PKIA: variants seen among roughly 807,000 people sequenced by gnomAD.
The protein encoded by PKIA is PKI-alpha.
In PKIA, 4 loss-of-function variants were observed where a neutral mutation model predicts 7.6. That is an observed-to-expected ratio of 0.52 (90% CI 0.26 to 1.20). The LOEUF is 1.20. Ranked by LOEUF, PKIA falls within the 50% of genes most tolerant of loss-of-function variation. PKIA has a pLI of 0.13. For missense variants in PKIA, 73 were observed against 86.2 expected (o/e 0.85, Z 0.61); for synonymous variants, 21 against 30.7 (o/e 0.68, Z 1.04).
chr8:78,572,138 G>C (rs1421297886), intron 1 of PKIA, among the ~76,000 whole-genome samples: 1 of 151,892 alleles, frequency 6.6e-6, no homozygotes, highest in South Asian at 2.1e-4. Context: ...TGCATAATTT[G>C]CTTCACTTTA....
intron 1 of PKIA, among the ~76,000 whole-genome samples, chr8:78,572,114 T>C (rs1253016613): frequency 6.6e-6 from 1 of 152,102 alleles, no homozygotes; most frequent in African/African-American, 2.4e-5. Flanking sequence ...AGAATCACAG[T>C]GTTGGAACCT....
chr8:78,531,487 AAC>A (rs755207954), intron 1 of PKIA, among the ~76,000 whole-genome samples: 2 of 152,132 alleles, frequency 1.3e-5, no homozygotes, highest in Non-Finnish European at 2.9e-5. Flanking sequence ...AAAATAATAT[AAC>A]AGTTATTGTG....
In PKIA at chr8:78,516,346, G is replaced by C. The variant is rs918073402; in HGVS notation, c.-279G>C. The C allele has an allele frequency of 6.6e-6, 1 of 152,242 alleles. No homozygotes were observed. The highest frequency in any genetic ancestry group is 6.5e-5 in the Admixed American group (1 of 15,276). 9.4% of individuals were successfully genotyped at this position (152,242 alleles called of 1,614,324 possible). ...GCAGCCGGAGCTCCGCGGCGGGAGC[G>C]GAGGCTGCTGCTGGCAGGTGGGGCG... On this transcript the variant is annotated 5_prime_UTR_variant, in exon 1 of 4. Transcript: ENST00000396418.
At chr8:78,551,543 C>T (rs907961062) in intron 1 of PKIA, among the ~76,000 whole-genome samples, 2 of 151,886 alleles carry the variant, frequency 1.3e-5, no homozygotes, top group African/African-American at 4.8e-5. Context: ...AGAAACAGAA[C>T]TTTTAACTTT....
At chr8:78,600,845 G>A (rs1051654786) in intron 3 of PKIA, among the ~76,000 whole-genome samples, 1 of 151,992 alleles carries the variant, frequency 6.6e-6, no homozygotes, top group Non-Finnish European at 1.5e-5. Flanking sequence ...ATAACATTAT[G>A]GTCCAAAGAA....
At position 78,603,009 on chromosome 8, in the gene PKIA, T is replaced by C. The variant is rs912015887; in HGVS notation, c.*1188T>C. The C allele has an allele frequency of 1.1e-4, 17 of 152,380 alleles. No homozygotes were observed. Among genetic ancestry groups the C allele is most frequent in the Non-Finnish European group, 1.9e-4 (13 of 67,932 alleles). The allele number at this position is 152,380 out of a possible 1,614,324, so 9.4% of individuals were successfully genotyped here. On this transcript the variant is annotated 3_prime_UTR_variant, in exon 4 of 4. Transcript: ENST00000396418. ...ATGCACTTTTTAATGTTTGTAAACT[T>C]TTACTAATAATTAGTGTGAATTGCA...
intron 1 of PKIA, among the ~76,000 whole-genome samples, chr8:78,533,094 A>G (rs1271859312): frequency 6.6e-6 from 1 of 151,976 alleles, no homozygotes; most frequent in African/African-American, 2.4e-5. Context: ...CAATGGACTC[A>G]TTTCTGTCTT....
chr8:78,557,864 T>A (rs572457892), intron 1 of PKIA, among the ~76,000 whole-genome samples: 1 of 7,044 alleles, frequency 1.4e-4, no homozygotes, highest in South Asian at 0.016. Flanking sequence ...GATGGTAGTC[T>A]GTGTTTCCCT....
chr8:78,546,510 T>C (rs1806828651), intron 1 of PKIA, among the ~76,000 whole-genome samples: 1 of 152,184 alleles, frequency 6.6e-6, no homozygotes, highest in Non-Finnish European at 1.5e-5. Flanking sequence ...AACTTTTGAC[T>C]CTAGCATTCA....
At position 78,516,941 on chromosome 8, in the gene PKIA, A is replaced by G. The variant is rs78459991; in HGVS notation, c.-157+473A>G. 5.6e-3 allele frequency among the ~76,000 whole-genome samples: 846 copies of G among 152,202 alleles called. 6 individuals are homozygous for G. Among genetic ancestry groups the G allele is most frequent in the African/African-American group, 0.019 (793 of 41,522 alleles). On this transcript the variant is annotated intron_variant, in intron 1 of 3. Coordinates refer to ENST00000396418, the MANE Select transcript of PKIA (RefSeq NM_006823.4). The stretch of plus-strand genomic sequence containing the variant: ...TCTGTGCCCCTCTCAATGGCAAAAC[A>G]CCTGCTTCAAGACTGAACCTTTAGA...
At chr8:78,551,781 T>TA (rs370404838) in intron 1 of PKIA, among the ~76,000 whole-genome samples, 2 of 151,982 alleles carry the variant, frequency 1.3e-5, no homozygotes, top group Admixed American at 6.6e-5. Flanking sequence ...AGATGGAAGT[T>TA]AGTGGGGCTC....
intron 1 of PKIA, among the ~76,000 whole-genome samples, chr8:78,529,884 G>A (rs987013955): frequency 4.5e-5 from 5 of 110,560 alleles, no homozygotes; most frequent in Admixed American, 1.6e-4. Context: ...GAGTCAGTGA[G>A]ATCACGTTAT....
chr8:78,603,710 T>A lies in PKIA; in HGVS notation c.*1889T>A, dbSNP rs1319193127. 2 of 151,934 alleles carry A rather than the reference T, an allele frequency of 1.3e-5. No homozygotes were observed. Among genetic ancestry groups the A allele is most frequent in the Non-Finnish European group, 2.9e-5 (2 of 67,916 alleles). 9.4% of individuals were successfully genotyped at this position (151,934 alleles called of 1,614,324 possible). On this transcript the variant is annotated 3_prime_UTR_variant, in exon 4 of 4. Coordinates refer to ENST00000396418, the MANE Select transcript of PKIA (RefSeq NM_006823.4). ...TGTTTAAACCATCAAACCCCTACAGTCAGTTTTCAGTATCCTCATTTAATA... is the reference window on the plus strand; with the variant it reads ...TGTTTAAACCATCAAACCCCTACAGACAGTTTTCAGTATCCTCATTTAATA...
rs73244988 is a variant in PKIA, at chr8:78,603,029, A to C, written c.*1208A>C. ...AAACTTTTACTAATAATTAGTGTGAATTGCATTCTGATACAATAATGATTA... is the reference window on the plus strand; with the variant it reads ...AAACTTTTACTAATAATTAGTGTGACTTGCATTCTGATACAATAATGATTA... On this transcript the variant is annotated 3_prime_UTR_variant, in exon 4 of 4. Transcript: ENST00000396418. 12,377 of 152,328 alleles carry C rather than the reference A, an allele frequency of 0.081. 545 individuals are homozygous for C. Among genetic ancestry groups the C allele is most frequent in the Middle Eastern group, 0.095 (28 of 294 alleles). 9.4% of individuals were successfully genotyped at this position (152,328 alleles called of 1,614,324 possible). A position where few individuals can be genotyped will look rare whatever the true frequency, so the allele number is the denominator to read the frequency against.
At chr8:78,578,621 C>T (rs989526335) in intron 2 of PKIA, among the ~76,000 whole-genome samples, 3 of 151,970 alleles carry the variant, frequency 2.0e-5, no homozygotes, top group African/African-American at 7.2e-5. Flanking sequence ...AAAATAAGCT[C>T]TCATAATTTC....
At chr8:78,580,382 C>G (rs528979580) in intron 2 of PKIA, among the ~76,000 whole-genome samples, 2 of 152,168 alleles carry the variant, frequency 1.3e-5, no homozygotes, top group African/African-American at 4.8e-5. Flanking sequence ...TTACCACTTT[C>G]CTTTCCTCAT....
intron 1 of PKIA, chr8:78,534,541 T>C (rs889257541): frequency 6.6e-6 from 1 of 152,114 alleles, no homozygotes; most frequent in African/African-American, 2.4e-5. Flanking sequence ...TCATGCACCA[T>C]ACATTCAAGA....
chr8:78,569,509 C>A (rs1419257355), intron 1 of PKIA, among the ~76,000 whole-genome samples: 1 of 152,098 alleles, frequency 6.6e-6, no homozygotes, highest in African/African-American at 2.4e-5. Context: ...TCTTGCTACA[C>A]CCCAATATAG....
chr8:78,594,532 A>G (rs1427894621), intron 2 of PKIA, among the ~76,000 whole-genome samples: 1 of 152,106 alleles, frequency 6.6e-6, no homozygotes, highest in African/African-American at 2.4e-5. Flanking sequence ...ACGTGGAGAA[A>G]CTCAGGGAAT....
Sources: allele counts gnomAD v4.1 joint callset (sites outside exome capture counted in the v4.1 genomes callset), GRCh38; gene constraint gnomAD v4.1.1; transcripts MANE v1.5; gene names NCBI Gene and HGNC (gene_info 2026-07-23, HGNC 2026-07-21).